The following ARMC8 variants were observed in gnomAD, a reference collection of about 807,000 sequenced individuals.
ARMC8 encodes armadillo repeat-containing protein 8.
In ARMC8, 20 loss-of-function variants were observed where a neutral mutation model predicts 99.3. That is an observed-to-expected ratio of 0.20 (90% confidence interval 0.14 to 0.29). ARMC8 has a LOEUF of 0.29. Ranked by LOEUF, ARMC8 falls within the 10% of genes least tolerant of loss-of-function variation. ARMC8 has a pLI of 1.00. For synonymous variants in ARMC8, 263 were observed against 278.3 expected (o/e 0.95, Z 0.55); for missense variants, 569 against 809.5 (o/e 0.70, Z 3.60).
intron 5 of ARMC8, among the ~76,000 whole-genome samples, chr3:138,226,297 C>T (rs1445415465): frequency 1.8e-4 from 28 of 152,160 alleles, no homozygotes; most frequent in Admixed American, 1.8e-3. Context: ...CCCAGCCTAA[C>T]ATCTTTATTT....
chr3:138,276,331 C>T (rs920869915), intron 18 of ARMC8, among the ~76,000 whole-genome samples: 3 of 152,180 alleles, frequency 2.0e-5, no homozygotes, highest in Non-Finnish European at 2.9e-5. Flanking sequence ...AGTTTTGACA[C>T]GTGCATCCAC....
rs574022286 is a variant in ARMC8 at position 138,286,231 on chromosome 3, C to G, written c.1821+1705C>G. Among the ~76,000 whole-genome samples the G allele has an allele frequency of 3.9e-5, 6 of 152,338 alleles. No homozygotes were observed. In the East Asian group the frequency reaches 9.7e-4, roughly 25 times the overall value. Reference sequence around the variant, plus strand: ...GTGCTGGGATTACAGGCATGAGCCACTGCGCCCAACCTTCAAAGCCAGACT... The same window carrying G: ...GTGCTGGGATTACAGGCATGAGCCAGTGCGCCCAACCTTCAAAGCCAGACT... On this transcript the variant is annotated intron_variant, in intron 19 of 21. Coordinates refer to ENST00000469044, the MANE Select transcript of ARMC8 (RefSeq NM_001363941.2).
chr3:138,225,941 T>A (rs1433422601), intron 5 of ARMC8, among the ~76,000 whole-genome samples: 1 of 152,132 alleles, frequency 6.6e-6, no homozygotes, highest in Non-Finnish European at 1.5e-5. Context: ...GTAGGTGAGA[T>A]TTATGGGTCA....
At chr3:138,206,063 G>C (rs1360489182) in intron 1 of ARMC8, among the ~76,000 whole-genome samples, 1 of 152,168 alleles carries the variant, frequency 6.6e-6, no homozygotes, top group Non-Finnish European at 1.5e-5. Context: ...TGTGTAATAA[G>C]TTATTACTGA....
At chr3:138,190,281 C>CTTTTTTTTT (rs141579108) in intron 1 of ARMC8, among the ~76,000 whole-genome samples, 3 of 114,368 alleles carry the variant, frequency 2.6e-5, no homozygotes, top group Non-Finnish European at 5.4e-5. Context: ...ATTTTCTTAT[C>CTTTTTTTTT]TTTTTTTTTT....
At chr3:138,187,628 G>A (rs1421787671) in intron 1 of ARMC8, 29 bp downstream of exon 1, 11 of 1,534,534 alleles carry the variant, frequency 7.2e-6, no homozygotes, top group Non-Finnish European at 9.6e-6. Context: ...CCGCCCGCCC[G>A]CCCTCCAGGA....
intron 15 of ARMC8, among the ~76,000 whole-genome samples, chr3:138,268,634 A>G (rs2048499955): frequency 6.6e-6 from 1 of 152,122 alleles, no homozygotes; most frequent in African/African-American, 2.4e-5. Context: ...ACAATCAACC[A>G]GGCATGGCAC....
chr3:138,292,254 G>A (rs2051027969), intron 21 of ARMC8, among the ~76,000 whole-genome samples: 1 of 152,094 alleles, frequency 6.6e-6, no homozygotes, highest in African/African-American at 2.4e-5. Flanking sequence ...TGGCCAGGCT[G>A]GTCTCAAACT....
intron 10 of ARMC8, among the ~76,000 whole-genome samples, chr3:138,241,028 C>T (rs1292826014): frequency 3.3e-5 from 5 of 151,892 alleles, no homozygotes; most frequent in South Asian, 2.1e-4. Flanking sequence ...CCAGCCTGGG[C>T]GACAGAGCGA....
chr3:138,287,501 T>C lies in ARMC8; in HGVS notation c.1822-1547T>C, dbSNP rs770258633. 48 of 367,300 alleles carry C rather than the reference T, an allele frequency of 1.3e-4. No individual in the cohort carries two copies. In the Middle Eastern group the frequency reaches 1.6e-3, roughly 12 times the overall value. 22.8% of individuals were successfully genotyped at this position (367,300 alleles called of 1,614,324 possible). A position where few individuals can be genotyped will look rare whatever the true frequency, so the allele number is the denominator to read the frequency against. ...TAGTAATTTGTGTCCTTAAAAAATA[T>C]TGAATGATGAATAAACTTATGCATA... On this transcript the variant is annotated intron_variant, in intron 19 of 21. Transcript: ENST00000469044.
At chr3:138,210,280 A>T (rs368052830) in intron 2 of ARMC8, among the ~76,000 whole-genome samples, 5 of 152,208 alleles carry the variant, frequency 3.3e-5, no homozygotes, top group African/African-American at 1.2e-4. Flanking sequence ...TGGTTAACTC[A>T]TTAACTGTCA....
chr3:138,233,492 A>G (rs2046166999), intron 6 of ARMC8, among the ~76,000 whole-genome samples: 1 of 152,222 alleles, frequency 6.6e-6, no homozygotes, highest in South Asian at 2.1e-4. Context: ...GTATGAGCAA[A>G]CTATGGAGTA....
rs1172177039 is a variant in ARMC8 at position 138,237,391 on chromosome 3, T to C, written c.685+7T>C. 3 of 1,613,038 alleles carry C rather than the reference T, an allele frequency of 1.9e-6. No individual in the cohort carries two copies. Among genetic ancestry groups the C allele is most frequent in the African/African-American group, 1.3e-5 (1 of 74,854 alleles). On this transcript the variant is annotated splice_region_variant and intron_variant, in intron 8 of 21. Coordinates refer to ENST00000469044, the MANE Select transcript of ARMC8 (RefSeq NM_001363941.2). ...TCGATGACCCTGGTAAATGGTAGGCTGGAGCTTTCAGTGGCACCTACATGA... is the reference window on the plus strand; with the variant it reads ...TCGATGACCCTGGTAAATGGTAGGCCGGAGCTTTCAGTGGCACCTACATGA...
At chr3:138,209,777 C>A in intron 1 of ARMC8, 40 bp from the exon 2 acceptor site, 2 of 1,554,888 alleles carry the variant, frequency 1.3e-6, no homozygotes, top group Non-Finnish European at 1.8e-6. Flanking sequence ...TTGTGATTTG[C>A]ATGGCTTCAG....
chr3:138,269,670 C>CA (rs1224317871), intron 15 of ARMC8, among the ~76,000 whole-genome samples: 1 of 152,068 alleles, frequency 6.6e-6, no homozygotes, highest in Non-Finnish European at 1.5e-5. Context: ...CAGAAAGTGA[C>CA]AGAGTCTCAG....
chr3:138,289,167 G>A (rs771630214), intron 20 of ARMC8, 47 bp downstream of exon 20: 19 of 1,467,854 alleles, frequency 1.3e-5, no homozygotes, highest in African/African-American at 4.2e-5. Context: ...TGGGAAGAGT[G>A]TCTTGCACAG....
chr3:138,228,051 C>G (rs761059127), intron 5 of ARMC8, among the ~76,000 whole-genome samples: 31 of 152,228 alleles, frequency 2.0e-4, no homozygotes, highest in African/African-American at 6.5e-4. Flanking sequence ...GTGGCGTAAT[C>G]TCACTGCAAC....
chr3:138,235,118 A>C lies in ARMC8; in HGVS notation c.609+4A>C, dbSNP rs1338443706. On this transcript the variant is annotated splice_donor_region_variant and intron_variant, in intron 7 of 21. Coordinates refer to ENST00000469044, the MANE Select transcript of ARMC8 (RefSeq NM_001363941.2). ...ACTAACCTCACTGTCCTACAAAGTAAGATGTTAAAAATTGTGGCCAGATTT... is the reference window on the plus strand; with the variant it reads ...ACTAACCTCACTGTCCTACAAAGTACGATGTTAAAAATTGTGGCCAGATTT... The C allele has an allele frequency of 2.5e-6, 4 of 1,608,944 alleles. No individual in the cohort carries two copies. Among genetic ancestry groups the C allele is most frequent in the Non-Finnish European group, 3.4e-6 (4 of 1,176,026 alleles).
intron 15 of ARMC8, among the ~76,000 whole-genome samples, chr3:138,268,086 TA>T (rs1451168921): frequency 6.6e-6 from 1 of 151,804 alleles, no homozygotes; most frequent in Non-Finnish European, 1.5e-5. Context: ...CTGCTAAAAG[TA>T]CAAAAATTAG....
Sources: gnomAD v4.1 joint callset for allele counts (sites outside exome capture counted in the v4.1 genomes callset) on GRCh38, gnomAD v4.1.1 for gene constraint, MANE v1.5 for transcripts, NCBI Gene and HGNC (gene_info 2026-07-23, HGNC 2026-07-21) for gene names.